Variants in FBXL7 observed in about 807,000 individuals in gnomAD.
FBXL7 encodes F-box/LRR-repeat protein 7.
Under a neutral mutation model 38.3 loss-of-function variants are expected in FBXL7, and 12 were observed. The ratio of observed to expected loss-of-function variants is 0.31; its 90% CI spans 0.20 to 0.51. The LOEUF is 0.51. FBXL7 is among the 20% of genes least tolerant of loss of function. FBXL7 has a pLI of 0.98. For synonymous variants in FBXL7, 297 were observed against 300.9 expected (o/e 0.99, Z 0.13); for missense variants, 567 against 676.4 (o/e 0.84, Z 1.79).
At chr5:15,639,594 G>T (rs1020371217) in intron 2 of FBXL7, among the ~76,000 whole-genome samples, 2 of 151,920 alleles carry the variant, frequency 1.3e-5, no homozygotes, top group African/African-American at 2.4e-5. Context: ...CCAGTCTCGG[G>T]TGTGTCTTTA....
chr5:15,813,700 A>T (rs1264473404), intron 2 of FBXL7, among the ~76,000 whole-genome samples: 1 of 152,220 alleles, frequency 6.6e-6, no homozygotes, highest in East Asian at 1.9e-4. Context: ...TAATATCCAG[A>T]ATCTACAAAG....
intron 1 of FBXL7, among the ~76,000 whole-genome samples, chr5:15,520,647 A>G (rs1737070927): frequency 6.6e-6 from 1 of 152,226 alleles, no homozygotes; most frequent in South Asian, 2.1e-4. Flanking sequence ...GTGGTACATA[A>G]GTAGTGATCA....
At chr5:15,571,721 C>T (rs1421463800) in intron 1 of FBXL7, among the ~76,000 whole-genome samples, 1 of 152,018 alleles carries the variant, frequency 6.6e-6, no homozygotes, top group Non-Finnish European at 1.5e-5. Context: ...GGGAAGAGTG[C>T]TTGGAGGCTT....
chr5:15,913,453 A>G (rs6883363), intron 2 of FBXL7, among the ~76,000 whole-genome samples: 25,367 of 152,072 alleles, frequency 0.17, 2,176 homozygotes, highest in African/African-American at 0.22. Flanking sequence ...GATCTTTTAC[A>G]TGGTCGTAAG....
chr5:15,594,834 G>C (rs1739579069), intron 1 of FBXL7, among the ~76,000 whole-genome samples: 3 of 152,244 alleles, frequency 2.0e-5, no homozygotes, highest in African/African-American at 7.2e-5. Context: ...GATTGCAGGA[G>C]AAACGCTGTC....
chr5:15,798,490 CA>C (rs368878933), intron 2 of FBXL7, among the ~76,000 whole-genome samples: 82 of 152,152 alleles, frequency 5.4e-4, no homozygotes, highest in African/African-American at 2.0e-3. Context: ...AACATTTTCC[CA>C]AAAAATGGAG....
intron 2 of FBXL7, among the ~76,000 whole-genome samples, chr5:15,712,253 C>G (rs1373759672): frequency 6.6e-6 from 1 of 150,994 alleles, no homozygotes; most frequent in Non-Finnish European, 1.5e-5. Context: ...AATTAGAACT[C>G]TTTAAAAGCC....
intron 2 of FBXL7, among the ~76,000 whole-genome samples, chr5:15,818,741 TGTGAGAGA>T (rs1325082730): frequency 0.094 from 4,048 of 43,108 alleles, 105 homozygotes; most frequent in South Asian, 0.28. Context: ...TGTGTGTGTG[TGTGAGAGA>T]GAGAGAGATT....
At chr5:15,711,447 T>G (rs1743867290) in intron 2 of FBXL7, among the ~76,000 whole-genome samples, 1 of 152,208 alleles carries the variant, frequency 6.6e-6, no homozygotes, top group Admixed American at 6.5e-5. Context: ...CCAGTAAAAC[T>G]TCATCTTAAC....
At chr5:15,579,748 C>G (rs1040489179) in intron 1 of FBXL7, among the ~76,000 whole-genome samples, 6 of 152,228 alleles carry the variant, frequency 3.9e-5, no homozygotes, top group African/African-American at 1.4e-4. Flanking sequence ...CTGAGAATGG[C>G]AGAACTGGAC....
chr5:15,858,536 A>G (rs1224338141), intron 2 of FBXL7, among the ~76,000 whole-genome samples: 5 of 152,216 alleles, frequency 3.3e-5, no homozygotes, highest in Non-Finnish European at 7.3e-5. Flanking sequence ...TTTATAAAGG[A>G]CAGGCAATAA....
intron 2 of FBXL7, among the ~76,000 whole-genome samples, chr5:15,906,465 G>T (rs1404955368): frequency 5.9e-5 from 8 of 134,544 alleles, no homozygotes; most frequent in Non-Finnish European, 9.4e-5. Flanking sequence ...TATGTAACAT[G>T]TATTTTACCA....
Position 15,500,230 on chromosome 5 carries a change from C to T in FBXL7, c.-447C>T, listed in dbSNP as rs1736450274. The T allele has an allele frequency of 6.6e-6, 1 of 151,934 alleles. No individual in the cohort carries two copies. Among genetic ancestry groups the T allele is most frequent in the Non-Finnish European group, 1.5e-5 (1 of 67,944 alleles). The allele number at this position is 151,934 out of a possible 1,614,324, so 9.4% of individuals were successfully genotyped here. A position where few individuals can be genotyped will look rare whatever the true frequency, so the allele number is the denominator to read the frequency against. ...CCGGGGACCCGCAACAAGTGGCCGC[C>T]GCGCCCTCCCCGGGGAAGCCGCGGG... is the stretch of plus-strand genomic sequence containing the variant. On this transcript the variant is annotated 5_prime_UTR_variant, in exon 1 of 4. Transcript: ENST00000504595.
chr5:15,671,193 C>G lies in FBXL7; in HGVS notation c.127+55121C>G, dbSNP rs528969082. 1.7e-4 allele frequency among the ~76,000 whole-genome samples: 26 copies of G among 152,262 alleles called. 1 individual carries two copies. The South Asian group carries it at 2.9e-3, about 17-fold the overall frequency. On this transcript the variant is annotated intron_variant, in intron 2 of 3. Coordinates refer to ENST00000504595, the MANE Select transcript of FBXL7 (RefSeq NM_012304.5). The stretch of plus-strand genomic sequence containing the variant: ...GGAAGAATGCAAAGTTGCTATAGTT[C>G]TGTACTCTATATTTTGTCTGCTTTT...
At chr5:15,762,966 GC>G in intron 2 of FBXL7, among the ~76,000 whole-genome samples, 1 of 152,098 alleles carries the variant, frequency 6.6e-6, no homozygotes, top group South Asian at 2.1e-4. Flanking sequence ...TTCTTAAATG[GC>G]CCCAAATTGC....
At chr5:15,846,531 A>G (rs1047243595) in intron 2 of FBXL7, among the ~76,000 whole-genome samples, 3 of 152,236 alleles carry the variant, frequency 2.0e-5, no homozygotes, top group African/African-American at 7.2e-5. Flanking sequence ...GGGGACTTTT[A>G]TATGATAACC....
chr5:15,868,730 A>G (rs1474025458), intron 2 of FBXL7, among the ~76,000 whole-genome samples: 3 of 151,920 alleles, frequency 2.0e-5, no homozygotes, highest in South Asian at 2.1e-4. Context: ...ACATGACACA[A>G]TCTCACCTCT....
At chr5:15,800,378 C>T (rs60638446) in intron 2 of FBXL7, among the ~76,000 whole-genome samples, 6,169 of 152,158 alleles carry the variant, frequency 0.041, 438 homozygotes, top group African/African-American at 0.14. Context: ...CTACTCCTAT[C>T]GCACGTTCTG....
chr5:15,860,049 G>A (rs770815307), intron 2 of FBXL7, among the ~76,000 whole-genome samples: 5 of 151,894 alleles, frequency 3.3e-5, no homozygotes, highest in Admixed American at 6.6e-5. Context: ...AAATATTAGG[G>A]GACTGTACAT....
Sources: gnomAD v4.1 joint callset for allele counts (sites outside exome capture counted in the v4.1 genomes callset) on GRCh38, gnomAD v4.1.1 for gene constraint, MANE v1.5 for transcripts, NCBI Gene and HGNC (gene_info 2026-07-23, HGNC 2026-07-21) for gene names.